The following ALOX5 variants were observed in gnomAD, a reference collection of about 807,000 sequenced individuals.
The protein encoded by ALOX5 is polyunsaturated fatty acid 5-lipoxygenase.
Under a neutral mutation model 87.9 loss-of-function variants are expected in ALOX5, and 64 were observed. That is an observed-to-expected ratio of 0.73 (90% CI 0.60 to 0.90). The LOEUF (loss-of-function observed/expected upper bound fraction) is 0.90. Ranked by LOEUF, ALOX5 falls within the 40% of genes least tolerant of loss-of-function variation. The probability of loss-of-function intolerance (pLI) is 0.00; values close to 1 mark genes in which losing one functional copy is unlikely to be tolerated. For missense variants in ALOX5, 822 were observed against 907.5 expected (o/e 0.91, Z 1.21); for synonymous variants, 388 against 355.1 (o/e 1.09, Z -1.04).
chr10:45,413,638 A>G (rs1412045282), intron 4 of ALOX5, among the ~76,000 whole-genome samples: 1 of 152,222 alleles, frequency 6.6e-6, no homozygotes, highest in African/African-American at 2.4e-5. Context: ...AATTAGGAAA[A>G]GAGGAAGTCA....
chr10:45,385,648 T>C (rs1052877668), intron 2 of ALOX5, among the ~76,000 whole-genome samples: 3 of 152,192 alleles, frequency 2.0e-5, no homozygotes, highest in Non-Finnish European at 4.4e-5. Context: ...AGATGATGAA[T>C]GTTGAGTGCC....
intron 7 of ALOX5, among the ~76,000 whole-genome samples, chr10:45,436,212 C>T (rs1842057754): frequency 6.6e-6 from 1 of 152,130 alleles, no homozygotes; most frequent in African/African-American, 2.4e-5. Flanking sequence ...TGTCTGTTTA[C>T]TTTGTTGATA....
chr10:45,424,082 A>C lies in ALOX5; in HGVS notation c.596A>C (p.Gln199Pro). 6.2e-7 allele frequency: 1 copy of C among 1,614,182 alleles called. No individual in the cohort carries two copies. Among genetic ancestry groups the C allele is most frequent in the Non-Finnish European group, 8.5e-7 (1 of 1,180,030 alleles). ...ATCAACCGCTTCATGCACATGTTCC[A>C]GTCTTCTTGGAATGACTTCGCCGAC... ...LFINRFMHMF[Q>P]SSWNDFADFE... The change falls in exon 5 of 14, where the codon CAG becomes CCG. Residue 199 changes from glutamine (Q) to proline (P), a missense_variant. By Grantham distance (76) the Gln-to-Pro change is moderately conservative. Coordinates refer to ENST00000374391, the MANE Select transcript of ALOX5 (RefSeq NM_000698.5).
chr10:45,413,375 T>C (rs373337270), intron 4 of ALOX5, among the ~76,000 whole-genome samples: 1 of 152,200 alleles, frequency 6.6e-6, no homozygotes, highest in Non-Finnish European at 1.5e-5. Flanking sequence ...AGAAAAGGCC[T>C]TTGACAAAAT....
chr10:45,417,050 G>A (rs1229408187), intron 4 of ALOX5, among the ~76,000 whole-genome samples: 1 of 152,102 alleles, frequency 6.6e-6, no homozygotes, highest in Non-Finnish European at 1.5e-5. Context: ...TATCTCAGGA[G>A]CCTCTGTATC....
intron 3 of ALOX5, among the ~76,000 whole-genome samples, chr10:45,400,854 A>G (rs968151911): frequency 6.6e-5 from 10 of 151,928 alleles, no homozygotes; most frequent in African/African-American, 2.4e-4. Flanking sequence ...GGATGAGATT[A>G]TTTCAGAATT....
At chr10:45,383,035 G>A (rs1839895068) in intron 2 of ALOX5, among the ~76,000 whole-genome samples, 1 of 152,246 alleles carries the variant, frequency 6.6e-6, no homozygotes, top group Non-Finnish European at 1.5e-5. Flanking sequence ...AGTTGCCAGG[G>A]TGTGGCATCA....
chr10:45,436,983 C>T lies in ALOX5; in HGVS notation c.982-3447C>T, dbSNP rs1430197352. Among the ~76,000 whole-genome samples, 9 of 152,086 alleles carry T rather than the reference C, an allele frequency of 5.9e-5. No individual in the cohort carries two copies. In the East Asian group the frequency reaches 1.7e-3, roughly 29 times the overall value. On this transcript the variant is annotated intron_variant, in intron 7 of 13. Transcript: ENST00000374391. ...GGTATTTTATTTTGTGTATGGGGGA[C>T]TATTGTAACTGAGATCACCACGTTC...
At chr10:45,393,521 G>A (rs957601827) in intron 2 of ALOX5, among the ~76,000 whole-genome samples, 1 of 152,150 alleles carries the variant, frequency 6.6e-6, no homozygotes, top group African/African-American at 2.4e-5. Flanking sequence ...AAAACTGGAA[G>A]CATTCCCTTT....
intron 9 of ALOX5, chr10:45,441,679 C>G: frequency 2.0e-6 from 1 of 488,732 alleles, no homozygotes; most frequent in Non-Finnish European, 3.6e-6. Flanking sequence ...CACCCCTCCC[C>G]TCTCCCAGCC....
At chr10:45,428,327 G>A (rs1175253895) in intron 6 of ALOX5, 5 of 486,696 alleles carry the variant, frequency 1.0e-5, no homozygotes, top group Non-Finnish European at 1.5e-5. Context: ...TTAGTAAACT[G>A]ACACTCGGGT....
At chr10:45,422,228 A>G (rs562537025) in intron 4 of ALOX5, among the ~76,000 whole-genome samples, 16 of 152,220 alleles carry the variant, frequency 1.1e-4, no homozygotes, top group Non-Finnish European at 1.3e-4. Flanking sequence ...CCCTGAGACA[A>G]CAGAGCTGGG....
chr10:45,428,309 C>G lies in ALOX5; in HGVS notation c.835-309C>G, dbSNP rs891106531. On this transcript the variant is annotated intron_variant, in intron 6 of 13. Coordinates refer to ENST00000374391, the MANE Select transcript of ALOX5 (RefSeq NM_000698.5). Reference sequence around the variant, plus strand: ...TCGTCACATCTATTTCACCTAACCTCTTTCTTCTTAGTAAACTGACACTCG... The same window carrying G: ...TCGTCACATCTATTTCACCTAACCTGTTTCTTCTTAGTAAACTGACACTCG... 357 of 456,426 alleles carry G rather than the reference C, an allele frequency of 7.8e-4. 1 individual carries two copies. Among genetic ancestry groups the G allele is most frequent in the Middle Eastern group, 2.3e-3 (4 of 1,738 alleles). 28.3% of individuals were successfully genotyped at this position (456,426 alleles called of 1,614,324 possible). A position where few individuals can be genotyped will look rare whatever the true frequency, so the allele number is the denominator to read the frequency against.
chr10:45,400,460 A>T (rs1198410777), intron 3 of ALOX5, among the ~76,000 whole-genome samples: 1 of 152,096 alleles, frequency 6.6e-6, no homozygotes, highest in Non-Finnish European at 1.5e-5. Flanking sequence ...TTAGCCGGGC[A>T]TGTTGGTGCA....
In ALOX5 at chr10:45,441,326, C is replaced by T. The variant is rs753252092; in HGVS notation, c.1186-18C>T. On this transcript the variant is annotated intron_variant, in intron 8 of 13. Transcript: ENST00000374391. The stretch of plus-strand genomic sequence containing the variant: ...CTGACTGGGCCCCCTCTGAGGCCTC[C>T]TCCTCTCCCCTCCCCAGCTGCTGGT... 1.1e-5 allele frequency: 17 copies of T among 1,611,876 alleles called. No individual in the cohort carries two copies. In the Admixed American group the frequency reaches 2.7e-4, roughly 25 times the overall value.
intron 3 of ALOX5, among the ~76,000 whole-genome samples, chr10:45,403,583 G>A (rs531696452): frequency 1.3e-5 from 2 of 152,156 alleles, no homozygotes; most frequent in Non-Finnish European, 2.9e-5. Context: ...GTGAGTGTGT[G>A]TGTGCATATA....
intron 2 of ALOX5, among the ~76,000 whole-genome samples, chr10:45,383,542 C>T (rs1184720167): frequency 6.6e-6 from 1 of 152,246 alleles, no homozygotes; most frequent in African/African-American, 2.4e-5. Context: ...ACTGCTTCTG[C>T]CATGACAGCG....
chr10:45,395,077 A>G (rs946798190), intron 2 of ALOX5, among the ~76,000 whole-genome samples: 4 of 152,226 alleles, frequency 2.6e-5, no homozygotes, highest in African/African-American at 9.7e-5. Context: ...AACTAGAAAT[A>G]CCATTTGACC....
At chr10:45,402,003 C>T (rs909753541) in intron 3 of ALOX5, among the ~76,000 whole-genome samples, 28 of 145,196 alleles carry the variant, frequency 1.9e-4, no homozygotes, top group Non-Finnish European at 3.0e-4. Flanking sequence ...AAGAGAATGG[C>T]GTGAACCTGG....
Sources: allele counts gnomAD v4.1 joint callset (sites outside exome capture counted in the v4.1 genomes callset), GRCh38; gene constraint gnomAD v4.1.1; transcripts MANE v1.5; gene names NCBI Gene and HGNC (gene_info 2026-07-23, HGNC 2026-07-21).